The following C4orf36 variants were observed in gnomAD, a reference collection of about 807,000 sequenced individuals.
C4orf36 encodes the protein chromosome 4 open reading frame 36.
In C4orf36, 11 loss-of-function variants were observed where a neutral mutation model predicts 12.2. The ratio of observed to expected loss-of-function variants is 0.90; its 90% CI spans 0.57 to 1.49. The LOEUF is 1.49. Ranked by LOEUF, C4orf36 falls within the 40% of genes most tolerant of loss-of-function variation. The pLI, the probability that C4orf36 is intolerant of heterozygous loss-of-function variation, is 0.00. For synonymous variants in C4orf36, 54 were observed against 51.3 expected (o/e 1.05, Z -0.22); for missense variants, 137 against 133.9 (o/e 1.02, Z -0.11).
intron 4 of C4orf36, among the ~76,000 whole-genome samples, chr4:86,884,530 C>A (rs1452530355): frequency 3.3e-5 from 5 of 151,944 alleles, no homozygotes; most frequent in African/African-American, 1.2e-4. Flanking sequence ...GTCCCAAACT[C>A]CTGGGCCCAA....
chr4:86,878,079 T>C (rs1560469411), intron 4 of C4orf36, among the ~76,000 whole-genome samples: 3 of 151,316 alleles, frequency 2.0e-5, no homozygotes, highest in Non-Finnish European at 4.4e-5. Flanking sequence ...ACGAGTTGCA[T>C]GTGTTTTTTT....
Position 86,881,678 on chromosome 4 carries a change from C to CTT in C4orf36, c.*3-5237_*3-5236dup, listed in dbSNP as rs111401943. 7.5e-5 allele frequency among the ~76,000 whole-genome samples: 11 copies of CTT among 146,434 alleles called. No individual in the cohort carries two copies. The East Asian group carries it at 8.0e-4, about 11-fold the overall frequency. ...TGGATCTTTCACCATCTGAAATTTT[C>CTT]TTTTTTTTTTTTGAGATGGAGTTTC... On this transcript the variant is annotated intron_variant, in intron 4 of 4. Coordinates refer to ENST00000295898, the MANE Select transcript of C4orf36 (RefSeq NM_144645.4).
At chr4:86,913,919 G>A in the C4orf36 span, 27 of 1,332,210 alleles carry the variant, frequency 2.0e-5, no homozygotes, top group Non-Finnish European at 2.9e-5. Context: ...AACTCTCCCG[G>A]GCTCACGCCA....
In C4orf36 at chr4:86,876,305, A is replaced by T; in HGVS notation, c.*141T>A. 1 of 1,352,542 alleles carries T rather than the reference A, an allele frequency of 7.4e-7. No individual in the cohort carries two copies. The highest frequency in any genetic ancestry group is 9.9e-7 in the Non-Finnish European group (1 of 1,009,024). The allele number at this position is 1,352,542 out of a possible 1,614,324, so 83.8% of individuals were successfully genotyped here. ...TCTCGGTCTCTGGGCGGGCCGTGGG[A>T]GGCTTCCTGAGGTGGGGGCCGGGCC... On this transcript the variant is annotated 3_prime_UTR_variant, in exon 5 of 5. Transcript: ENST00000295898.
chr4:86,924,052 T>C, the C4orf36 span, among the ~76,000 whole-genome samples: 1 of 152,200 alleles, frequency 6.6e-6, no homozygotes, highest in African/African-American at 2.4e-5. Context: ...TCTCTCTTTT[T>C]TCTTTTGAGA....
At chr4:86,896,885 GCCCATGAGTCT>G (rs1448690996), upstream of C4orf36, among the ~76,000 whole-genome samples, 1 of 152,036 alleles carries the variant, frequency 6.6e-6, no homozygotes, top group Non-Finnish European at 1.5e-5. Flanking sequence ...TCTGGGAATG[GCCCATGAGTCT>G]CCTATGAGCC....
the C4orf36 span, chr4:86,913,976 G>A: frequency 1.3e-6 from 2 of 1,558,212 alleles, no homozygotes; most frequent in African/African-American, 1.4e-5. Context: ...CTTCTTTAAT[G>A]TAGGCAGAAA....
the C4orf36 span, among the ~76,000 whole-genome samples, chr4:86,899,389 TAAATA>T: frequency 6.6e-6 from 1 of 152,026 alleles, no homozygotes; most frequent in Non-Finnish European, 1.5e-5. Flanking sequence ...AAAGACAAAA[TAAATA>T]AAATAATAAC....
chr4:86,886,071 C>G (rs1236214610), intron 4 of C4orf36, among the ~76,000 whole-genome samples: 4 of 152,118 alleles, frequency 2.6e-5, no homozygotes, highest in Non-Finnish European at 5.9e-5. Flanking sequence ...GGTGGATAAG[C>G]TTTTTGATGT....
chr4:86,876,303 G>T lies in C4orf36; in HGVS notation c.*143C>A. 2.2e-6 allele frequency: 3 copies of T among 1,339,632 alleles called. No homozygotes were observed. The South Asian group carries it at 4.4e-5, about 20-fold the overall frequency. The allele number at this position is 1,339,632 out of a possible 1,614,324, so 83.0% of individuals were successfully genotyped here. A position where few individuals can be genotyped will look rare whatever the true frequency, so the allele number is the denominator to read the frequency against. ...TTTCTCGGTCTCTGGGCGGGCCGTG[G>T]GAGGCTTCCTGAGGTGGGGGCCGGG... On this transcript the variant is annotated 3_prime_UTR_variant, in exon 5 of 5. Transcript: ENST00000295898.
the C4orf36 span, chr4:86,913,893 A>C: frequency 9.3e-7 from 1 of 1,073,674 alleles, no homozygotes; most frequent in Non-Finnish European, 1.4e-6. Context: ...CAGTGGCACG[A>C]TCTCGGCTCA....
At chr4:86,890,002 G>T (rs1046245402) in intron 2 of C4orf36, 17 of 449,082 alleles carry the variant, frequency 3.8e-5, no homozygotes, top group Non-Finnish European at 5.8e-5. Flanking sequence ...ACTAGCCTGG[G>T]CAACAAAGTG....
the C4orf36 span, among the ~76,000 whole-genome samples, chr4:86,918,872 C>T: frequency 2.0e-5 from 3 of 151,840 alleles, no homozygotes; most frequent in African/African-American, 7.3e-5. Flanking sequence ...GGAATTGGCT[C>T]ACATGATTAT....
In C4orf36 at chr4:86,888,182, A is replaced by G. The variant is rs780342418; in HGVS notation, c.159T>C (p.Gly53=). The change falls in exon 3 of 5, where the codon GGT becomes GGC. Residue 53 remains glycine, a synonymous_variant. Coordinates refer to ENST00000295898, the MANE Select transcript of C4orf36 (RefSeq NM_144645.4). ...KLPFLEEISF[G]GSVQLTKCTT... is the part of the protein sequence containing the mutation. ...TACATTTTGTGAGCTGCACAGAACC[A>G]CCAAATGAAATTTCTTCCAAGAAAG... The G allele has an allele frequency of 6.2e-7, 1 of 1,614,178 alleles. No homozygotes were observed. Among genetic ancestry groups the G allele is most frequent in the Non-Finnish European group, 8.5e-7 (1 of 1,180,016 alleles).
the C4orf36 span, among the ~76,000 whole-genome samples, chr4:86,901,366 C>T: frequency 1.3e-5 from 2 of 151,908 alleles, no homozygotes; most frequent in African/African-American, 4.8e-5. Context: ...CTCTGTCTCT[C>T]TCACTCACAC....
the C4orf36 span, among the ~76,000 whole-genome samples, chr4:86,909,074 C>T: frequency 6.6e-6 from 1 of 152,144 alleles, no homozygotes; most frequent in Non-Finnish European, 1.5e-5. Context: ...TCTCTGTGTC[C>T]TTCTCCCATA....
chr4:86,887,667 A>G lies in C4orf36; in HGVS notation c.*2+91T>C, dbSNP rs929627278. On this transcript the variant is annotated intron_variant, in intron 4 of 4. Transcript: ENST00000295898. ...CCCATCCACCAGTGGGCATTCAAAT[A>G]TCTGCCCTGAACTATACATAGTGAA... 2.7e-6 allele frequency: 4 copies of G among 1,501,074 alleles called. No homozygotes were observed. In the East Asian group the frequency reaches 9.1e-5, roughly 34 times the overall value. The allele number at this position is 1,501,074 out of a possible 1,614,324, so 93.0% of individuals were successfully genotyped here.
At chr4:86,914,365 C>G in the C4orf36 span, 7 of 1,179,410 alleles carry the variant, frequency 5.9e-6, no homozygotes, top group Non-Finnish European at 7.5e-6. Context: ...TGAGCTTTCA[C>G]CCCCCGGCTC....
chr4:86,932,229 C>A, the C4orf36 span: 1 of 151,578 alleles, frequency 6.6e-6, no homozygotes, highest in East Asian at 1.9e-4. Context: ...TACCTGTAAT[C>A]CCAGCTACTC....
Sources: gnomAD v4.1 joint callset for allele counts (sites outside exome capture counted in the v4.1 genomes callset) on GRCh38, gnomAD v4.1.1 for gene constraint, MANE v1.5 for transcripts, NCBI Gene and HGNC (gene_info 2026-07-23, HGNC 2026-07-21) for gene names.